The following STK3 variants were observed in gnomAD, a reference collection of about 807,000 sequenced individuals.
STK3 encodes the protein serine/threonine kinase 3, also known as serine/threonine-protein kinase 3.
In STK3, 41 loss-of-function variants were observed where a neutral mutation model predicts 58.0. The observed-to-expected ratio is 0.71, with a 90% CI of 0.55 to 0.92. The LOEUF is 0.92. Among genes scored for constraint, STK3 ranks in the 40% least tolerant of loss-of-function variants. The probability of loss-of-function intolerance (pLI) is 0.00; values close to 1 mark genes in which losing one functional copy is unlikely to be tolerated. For missense variants in STK3, 479 were observed against 602.7 expected (o/e 0.79, Z 2.15); for synonymous variants, 170 against 191.0 (o/e 0.89, Z 0.91).
intron 6 of STK3, among the ~76,000 whole-genome samples, chr8:98,663,410 TAC>T (rs1171010996): frequency 2.6e-5 from 4 of 152,208 alleles, no homozygotes; most frequent in Non-Finnish European, 5.9e-5. Context: ...GGAACACTTT[TAC>T]AGTGTTGGTG....
At chr8:98,812,776 T>C (rs1412102669) in intron 1 of STK3, among the ~76,000 whole-genome samples, 2 of 152,100 alleles carry the variant, frequency 1.3e-5, no homozygotes, top group Non-Finnish European at 2.9e-5. Context: ...CTGAGCAAAC[T>C]ATCACAAGGA....
chr8:98,594,531 C>T (rs1815633925), intron 7 of STK3, among the ~76,000 whole-genome samples: 1 of 151,702 alleles, frequency 6.6e-6, no homozygotes, highest in Admixed American at 6.6e-5. Flanking sequence ...AACCAAGAGG[C>T]AGAGGTTGCA....
At chr8:98,560,147 T>C (rs1811896212) in intron 8 of STK3, among the ~76,000 whole-genome samples, 1 of 152,224 alleles carries the variant, frequency 6.6e-6, no homozygotes, top group East Asian at 1.9e-4. Context: ...GGGAAAAATA[T>C]ATAACCTCTG....
chr8:98,706,699 C>A, intron 5 of STK3, 65 bp from the exon 6 acceptor site: 1 of 1,421,722 alleles, frequency 7.0e-7, no homozygotes, highest in Admixed American at 2.6e-5. Context: ...GTATGCCAAA[C>A]ATACTTTTAA....
intron 4 of STK3, among the ~76,000 whole-genome samples, chr8:98,745,126 G>A (rs1829554400): frequency 6.6e-6 from 1 of 152,136 alleles, no homozygotes; most frequent in South Asian, 2.1e-4. Context: ...AACCTCTCCA[G>A]TGGTCATGAG....
chr8:98,829,607 G>A (rs1401635125), upstream of STK3, among the ~76,000 whole-genome samples: 2 of 152,162 alleles, frequency 1.3e-5, no homozygotes, highest in East Asian at 3.8e-4. Flanking sequence ...TGAGAAAACT[G>A]AGGTTCAAAA....
chr8:98,537,537 A>C (rs1396900926), intron 9 of STK3, among the ~76,000 whole-genome samples: 1 of 152,212 alleles, frequency 6.6e-6, no homozygotes, highest in East Asian at 1.9e-4. Context: ...TAAAGCAGGA[A>C]ATCTCAAGAT....
intron 1 of STK3, among the ~76,000 whole-genome samples, chr8:98,932,370 G>A (rs1372330666): frequency 6.6e-6 from 1 of 152,198 alleles, no homozygotes; most frequent in Non-Finnish European, 1.5e-5. Flanking sequence ...ATGAAGGCTA[G>A]TCATTGGAGG....
intron 4 of STK3, among the ~76,000 whole-genome samples, chr8:98,713,891 G>C (rs1380013706): frequency 1.3e-5 from 2 of 152,028 alleles, no homozygotes; most frequent in Non-Finnish European, 2.9e-5. Context: ...ATAAAATACT[G>C]ACAAACCGAA....
intron 10 of STK3, among the ~76,000 whole-genome samples, chr8:98,476,383 G>A (rs749889754): frequency 1.2e-4 from 18 of 152,116 alleles, no homozygotes; most frequent in Admixed American, 3.3e-4. Flanking sequence ...GGACTAATTA[G>A]AATTACAAAG....
At chr8:98,347,625 T>C in the STK3 span, among the ~76,000 whole-genome samples, 2 of 151,498 alleles carry the variant, frequency 1.3e-5, no homozygotes, top group Non-Finnish European at 2.9e-5. Context: ...AAAATTACAA[T>C]GATGAACTAA....
chr8:98,694,106 G>A (rs1339263349), intron 6 of STK3, among the ~76,000 whole-genome samples: 2 of 152,006 alleles, frequency 1.3e-5, no homozygotes, highest in African/African-American at 4.8e-5. Context: ...CTGTTTTTAC[G>A]CTGCCTATAC....
intron 3 of STK3, among the ~76,000 whole-genome samples, chr8:98,868,111 G>A (rs768418298): frequency 9.9e-5 from 15 of 152,048 alleles, no homozygotes; most frequent in South Asian, 6.2e-4. Flanking sequence ...ATACGAAAGG[G>A]AACAAGTGCC....
At chr8:98,740,960 A>G (rs982638185) in intron 4 of STK3, among the ~76,000 whole-genome samples, 6 of 152,172 alleles carry the variant, frequency 3.9e-5, no homozygotes, top group African/African-American at 1.4e-4. Context: ...CTCTGATAAA[A>G]CAGACTTTAA....
intron 6 of STK3, among the ~76,000 whole-genome samples, chr8:98,687,886 A>G (rs1209020787): frequency 6.6e-6 from 1 of 152,212 alleles, no homozygotes; most frequent in Non-Finnish European, 1.5e-5. Flanking sequence ...CTACAAAGCA[A>G]CTAGCTAACA....
chr8:98,458,029 G>A (rs770773963), intron 10 of STK3, among the ~76,000 whole-genome samples: 1 of 152,100 alleles, frequency 6.6e-6, no homozygotes. Context: ...GGAATTAGGT[G>A]TTCATGTAAG....
chr8:98,674,527 C>CA (rs1270290196), intron 6 of STK3, among the ~76,000 whole-genome samples: 1 of 151,438 alleles, frequency 6.6e-6, no homozygotes, highest in Non-Finnish European at 1.5e-5. Flanking sequence ...ATTTTTGAGG[C>CA]AAAAAAAGGT....
At chr8:98,585,377 C>G (rs1284882615) in intron 7 of STK3, among the ~76,000 whole-genome samples, 5 of 151,940 alleles carry the variant, frequency 3.3e-5, no homozygotes, top group Non-Finnish European at 5.9e-5. Context: ...GCTTGTTTTT[C>G]TCAGGTTTGT....
chr8:98,691,949 G>T (rs1824442546), intron 6 of STK3, among the ~76,000 whole-genome samples: 1 of 148,704 alleles, frequency 6.7e-6, no homozygotes, highest in Non-Finnish European at 1.5e-5. Context: ...AAAAAAAAAT[G>T]GGCAAATGAA....
Sources: gnomAD v4.1 joint callset for allele counts (sites outside exome capture counted in the v4.1 genomes callset) on GRCh38, gnomAD v4.1.1 for gene constraint, MANE v1.5 for transcripts, NCBI Gene and HGNC (gene_info 2026-07-23, HGNC 2026-07-21) for gene names.